Variants in PRTG observed in about 807,000 individuals in gnomAD.
PRTG encodes the protein protogenin, also known as immunoglobulin superfamily, DCC subclass, member 5.
A neutral mutation model predicts 122.5 loss-of-function variants in PRTG; 67 were observed. That is an observed-to-expected ratio of 0.55 (90% CI 0.45 to 0.67). PRTG has a LOEUF of 0.67. Ranked by LOEUF, PRTG falls within the 30% of genes least tolerant of loss-of-function variation. The probability of loss-of-function intolerance (pLI) is 0.00; values close to 1 mark genes in which losing one functional copy is unlikely to be tolerated. For synonymous variants in PRTG, 554 were observed against 501.1 expected (o/e 1.11, Z -1.41); for missense variants, 1,435 against 1,415.4 (o/e 1.01, Z -0.22).
At chr15:55,707,288 C>T (rs1355409172) in intron 2 of PRTG, among the ~76,000 whole-genome samples, 2 of 152,100 alleles carry the variant, frequency 1.3e-5, no homozygotes, top group African/African-American at 2.4e-5. Context: ...CAAGAATGTA[C>T]CTTCTATAGG....
intron 11 of PRTG, among the ~76,000 whole-genome samples, chr15:55,665,274 G>T (rs780072172): frequency 1.1e-4 from 16 of 151,654 alleles, no homozygotes; most frequent in Non-Finnish European, 7.4e-5. Flanking sequence ...AAAAGAAAAA[G>T]AAGAAGAAAG....
At chr15:55,626,553 A>G (rs1275623084) in intron 17 of PRTG, among the ~76,000 whole-genome samples, 1 of 150,826 alleles carries the variant, frequency 6.6e-6, no homozygotes, top group African/African-American at 2.4e-5. Flanking sequence ...GATCAAGACC[A>G]TCCTGGCTAA....
At chr15:55,628,439 ACT>A (rs1165744867) in intron 16 of PRTG, among the ~76,000 whole-genome samples, 2 of 151,644 alleles carry the variant, frequency 1.3e-5, no homozygotes, top group Non-Finnish European at 1.5e-5. Flanking sequence ...TGTGGTGAAA[ACT>A]CTTAATGAAA....
In PRTG at chr15:55,619,423, G is replaced by C. The variant is rs2059154518; in HGVS notation, c.*589C>G. 1 of 152,680 alleles carries C rather than the reference G, an allele frequency of 6.5e-6. No homozygotes were observed. Among genetic ancestry groups the C allele is most frequent in the Non-Finnish European group, 1.5e-5 (1 of 68,212 alleles). 9.5% of individuals were successfully genotyped at this position (152,680 alleles called of 1,614,324 possible). On this transcript the variant is annotated 3_prime_UTR_variant, in exon 20 of 20. Transcript: ENST00000389286. ...TTTTTTTAAAAAAATCAGAGCTTCA[G>C]ATAAACATTCTTACTCATCTACCTA...
chr15:55,646,880 G>A (rs958219178), intron 11 of PRTG, among the ~76,000 whole-genome samples: 6 of 152,106 alleles, frequency 3.9e-5, no homozygotes, highest in African/African-American at 1.4e-4. Flanking sequence ...ACATCTTCCT[G>A]ACACACTGCT....
chr15:55,638,398 T>C (rs1412503649), intron 14 of PRTG, 151 bp downstream of exon 14: 4 of 533,430 alleles, frequency 7.5e-6, no homozygotes, highest in Non-Finnish European at 1.2e-5. Context: ...AAAAGAAATT[T>C]CAAAAGCCAA....
intron 2 of PRTG, among the ~76,000 whole-genome samples, chr15:55,724,839 G>C (rs2030967234): frequency 6.6e-6 from 1 of 152,182 alleles, no homozygotes; most frequent in African/African-American, 2.4e-5. Flanking sequence ...CTTCAGAGAT[G>C]AGGCAGAAAT....
chr15:55,674,255 T>C (rs2059489850), intron 9 of PRTG, among the ~76,000 whole-genome samples: 1 of 152,204 alleles, frequency 6.6e-6, no homozygotes, highest in African/African-American at 2.4e-5. Flanking sequence ...TAGAGTTAGC[T>C]TCTCTGTGTC....
chr15:55,706,532 G>C (rs1223750266), intron 2 of PRTG, among the ~76,000 whole-genome samples: 1 of 144,294 alleles, frequency 6.9e-6, no homozygotes, highest in African/African-American at 2.6e-5. Flanking sequence ...ATCATTCAAG[G>C]CCAGGAGTTT....
intron 2 of PRTG, among the ~76,000 whole-genome samples, chr15:55,736,350 G>T (rs2031412057): frequency 6.6e-6 from 1 of 150,724 alleles, no homozygotes; most frequent in Admixed American, 6.6e-5. Flanking sequence ...ACAGTTCTTA[G>T]GTTCTCTTTT....
chr15:55,680,453 A>G (rs11636555), intron 5 of PRTG, 38 bp downstream of exon 5: 30,356 of 1,533,340 alleles, frequency 0.02, 389 homozygotes, highest in Non-Finnish European at 0.022. Flanking sequence ...ACAAAATTTA[A>G]GGAAAAGACT....
At chr15:55,643,292 A>G (rs2059302650) in intron 11 of PRTG, among the ~76,000 whole-genome samples, 2 of 152,184 alleles carry the variant, frequency 1.3e-5, no homozygotes, top group South Asian at 4.1e-4. Flanking sequence ...TAACCTTTCT[A>G]GATAGAAAGG....
At chr15:55,718,116 C>G (rs1163964333) in intron 2 of PRTG, among the ~76,000 whole-genome samples, 1 of 152,160 alleles carries the variant, frequency 6.6e-6, no homozygotes, top group African/African-American at 2.4e-5. Flanking sequence ...CACTATCCCT[C>G]AACCTCTTTC....
chr15:55,660,081 G>A (rs955304193), intron 11 of PRTG, among the ~76,000 whole-genome samples: 1 of 151,912 alleles, frequency 6.6e-6, no homozygotes, highest in Non-Finnish European at 1.5e-5. Flanking sequence ...ACATATGTGT[G>A]ACCGCCTTAA....
intron 2 of PRTG, among the ~76,000 whole-genome samples, chr15:55,705,792 C>T (rs573954673): frequency 4.0e-5 from 6 of 151,748 alleles, no homozygotes; most frequent in Non-Finnish European, 5.9e-5. Context: ...GTTTATCCAA[C>T]ATTCCACACC....
intron 2 of PRTG, among the ~76,000 whole-genome samples, chr15:55,735,703 T>C (rs1219124170): frequency 7.6e-6 from 1 of 131,718 alleles, no homozygotes; most frequent in African/African-American, 3.0e-5. Context: ...TACCCCTCAC[T>C]GGACCATGCT....
intron 2 of PRTG, among the ~76,000 whole-genome samples, chr15:55,690,132 A>G: frequency 6.6e-6 from 1 of 152,236 alleles, no homozygotes; most frequent in East Asian, 1.9e-4. Flanking sequence ...TTCTTACAAT[A>G]AGACCATTCA....
intron 11 of PRTG, among the ~76,000 whole-genome samples, chr15:55,649,973 T>C (rs2059344987): frequency 6.6e-6 from 1 of 152,198 alleles, no homozygotes; most frequent in Non-Finnish European, 1.5e-5. Context: ...AGTTTCGTCA[T>C]CTATAAAATG....
chr15:55,627,779 C>T (rs1567073993), intron 16 of PRTG, among the ~76,000 whole-genome samples: 2 of 152,152 alleles, frequency 1.3e-5, no homozygotes, highest in Non-Finnish European at 2.9e-5. Flanking sequence ...GCCTTAAAAG[C>T]AGATCTGCAT....
Sources: allele counts gnomAD v4.1 joint callset (sites outside exome capture counted in the v4.1 genomes callset), GRCh38; gene constraint gnomAD v4.1.1; transcripts MANE v1.5; gene names NCBI Gene and HGNC (gene_info 2026-07-23, HGNC 2026-07-21).